GALNT14: variants seen among roughly 807,000 people sequenced by gnomAD.
GALNT14 encodes UDP-GalNAc:polypeptide N-acetylgalactosaminyltransferase 14.
In GALNT14, 60 loss-of-function variants were observed where a neutral mutation model predicts 77.5. The observed-to-expected ratio is 0.77, with a 90% CI of 0.63 to 0.96. The LOEUF (loss-of-function observed/expected upper bound fraction) is 0.96. Among genes scored for constraint, GALNT14 ranks in the 40% least tolerant of loss-of-function variants. The pLI is 0.00. For missense variants in GALNT14, 710 were observed against 731.0 expected (o/e 0.97, Z 0.33); for synonymous variants, 280 against 281.7 (o/e 0.99, Z 0.06).
At chr2:31,027,852 C>T (rs926134976) in intron 1 of GALNT14, among the ~76,000 whole-genome samples, 3 of 147,316 alleles carry the variant, frequency 2.0e-5, no homozygotes, top group Non-Finnish European at 4.5e-5. Context: ...TGCTGCCTGG[C>T]GGATATGATA....
chr2:30,924,301 C>T, intron 12 of GALNT14, 38 bp from the exon 13 acceptor site: 1 of 1,608,746 alleles, frequency 6.2e-7, no homozygotes, highest in South Asian at 1.1e-5. Flanking sequence ...GAGTCCACTG[C>T]TCATTGGATT....
intron 3 of GALNT14, among the ~76,000 whole-genome samples, chr2:30,963,277 T>C (rs1021674102): frequency 1.3e-5 from 2 of 152,222 alleles, no homozygotes; most frequent in South Asian, 2.1e-4. Flanking sequence ...GGAGCCGCGC[T>C]GTACCTCCAG....
At position 30,910,996 on chromosome 2, in the gene GALNT14, T is replaced by C. The variant is rs1664325374; in HGVS notation, c.1564A>G (p.Met522Val). Residue 522 changes from methionine to valine, a missense_variant, in exon 15 of 15, where the codon ATG becomes GTG. Met to Val is a conservative substitution (Grantham distance 21). Transcript: ENST00000349752. ...CCGTTCTCGGTGCCATCACCGAACA[T>C]ATCTGTATCGAGGCAGAGGTGGGAT... ...IASHLCLDTDMFGDGTENGKE... is the reference protein window; with the variant it reads ...IASHLCLDTDVFGDGTENGKE... 3 of 1,613,992 alleles carry C rather than the reference T, an allele frequency of 1.9e-6. No homozygotes were observed. Among genetic ancestry groups the C allele is most frequent in the East Asian group, 2.2e-5 (1 of 44,854 alleles).
intron 1 of GALNT14, among the ~76,000 whole-genome samples, chr2:30,998,014 G>C (rs989375951): frequency 6.6e-6 from 1 of 151,968 alleles, no homozygotes; most frequent in Non-Finnish European, 1.5e-5. Context: ...ACATATAAAC[G>C]AGATCATTAT....
At chr2:31,121,157 T>G (rs550065501) in intron 1 of GALNT14, among the ~76,000 whole-genome samples, 3 of 152,304 alleles carry the variant, frequency 2.0e-5, no homozygotes, top group African/African-American at 4.8e-5. Flanking sequence ...AGCATGCCTG[T>G]CCAAGGGCAT....
At chr2:31,012,125 T>A (rs879256380) in intron 1 of GALNT14, among the ~76,000 whole-genome samples, 5 of 152,222 alleles carry the variant, frequency 3.3e-5, no homozygotes, top group Admixed American at 3.3e-4. Context: ...CGCTGGGGAT[T>A]TATGTCTTTA....
chr2:30,955,062 G>A (rs1221187317), intron 6 of GALNT14, among the ~76,000 whole-genome samples: 2 of 152,136 alleles, frequency 1.3e-5, no homozygotes, highest in East Asian at 3.9e-4. Flanking sequence ...CACTTTTTGG[G>A]GAGTAATTGA....
At chr2:31,119,847 T>A (rs1395449937) in intron 1 of GALNT14, among the ~76,000 whole-genome samples, 1 of 152,180 alleles carries the variant, frequency 6.6e-6, no homozygotes, top group Non-Finnish European at 1.5e-5. Flanking sequence ...CTGCAGAATA[T>A]TATGCAGTCA....
intron 1 of GALNT14, among the ~76,000 whole-genome samples, chr2:31,026,968 T>C (rs1672095341): frequency 6.6e-6 from 1 of 152,318 alleles, no homozygotes; most frequent in South Asian, 2.1e-4. Flanking sequence ...ATTTTATGAA[T>C]GAAACTCCTT....
intron 1 of GALNT14, among the ~76,000 whole-genome samples, chr2:31,051,825 T>C (rs1035684153): frequency 6.6e-6 from 1 of 152,184 alleles, no homozygotes; most frequent in Non-Finnish European, 1.5e-5. Flanking sequence ...AGCCTTCACA[T>C]TGACTGTCTT....
At chr2:30,980,569 G>A (rs562330363) in intron 2 of GALNT14, among the ~76,000 whole-genome samples, 12 of 152,314 alleles carry the variant, frequency 7.9e-5, no homozygotes. Flanking sequence ...GGGTCTCTGG[G>A]AGTTTGAGTA....
chr2:31,050,494 G>A (rs1160115261), intron 1 of GALNT14, among the ~76,000 whole-genome samples: 1 of 152,094 alleles, frequency 6.6e-6, no homozygotes, highest in Non-Finnish European at 1.5e-5. Flanking sequence ...GACAGACAAA[G>A]CCTGCCTCGA....
intron 9 of GALNT14, among the ~76,000 whole-genome samples, chr2:30,933,152 A>T (rs1378167229): frequency 6.6e-6 from 1 of 152,122 alleles, no homozygotes; most frequent in Non-Finnish European, 1.5e-5. Flanking sequence ...GCATGGTGAC[A>T]TTCAAAAGCA....
chr2:30,918,088 A>G (rs1353277036), intron 13 of GALNT14, among the ~76,000 whole-genome samples: 4 of 152,208 alleles, frequency 2.6e-5, no homozygotes, highest in Non-Finnish European at 5.9e-5. Flanking sequence ...AGGCAGCAGG[A>G]TGACCTGGTG....
At chr2:30,911,204 A>C in intron 14 of GALNT14, 145 bp from the exon 15 acceptor site, 1 of 658,196 alleles carries the variant, frequency 1.5e-6, no homozygotes, top group Non-Finnish European at 2.5e-6. Flanking sequence ...ACTGCAACTA[A>C]TTGCTCTACC....
At chr2:30,917,336 T>C (rs906253837) in intron 13 of GALNT14, among the ~76,000 whole-genome samples, 2 of 152,166 alleles carry the variant, frequency 1.3e-5, no homozygotes, top group African/African-American at 4.8e-5. Context: ...AAACATCCCA[T>C]GCTGCACAGG....
At chr2:30,915,625 CAG>C (rs1161724833) in intron 13 of GALNT14, among the ~76,000 whole-genome samples, 1 of 152,206 alleles carries the variant, frequency 6.6e-6, no homozygotes, top group Non-Finnish European at 1.5e-5. Context: ...CAGTCAGAAA[CAG>C]ACTCCAGGAA....
At chr2:30,974,729 A>C (rs1478864462) in intron 2 of GALNT14, among the ~76,000 whole-genome samples, 2 of 152,144 alleles carry the variant, frequency 1.3e-5, no homozygotes, top group East Asian at 1.9e-4. Flanking sequence ...TGTTCACCCC[A>C]TTGCTGTAAT....
chr2:31,076,057 C>G (rs1675760827), intron 1 of GALNT14, among the ~76,000 whole-genome samples: 1 of 152,182 alleles, frequency 6.6e-6, no homozygotes, highest in Non-Finnish European at 1.5e-5. Context: ...TTAACTCGAG[C>G]AGACACAGAT....
Sources: gnomAD v4.1 joint callset for allele counts (sites outside exome capture counted in the v4.1 genomes callset) on GRCh38, gnomAD v4.1.1 for gene constraint, MANE v1.5 for transcripts, NCBI Gene and HGNC (gene_info 2026-07-23, HGNC 2026-07-21) for gene names.